The following CD46 variants were observed in gnomAD, a reference collection of about 807,000 sequenced individuals.
CD46 encodes the protein CD46 molecule, also known as membrane cofactor protein.
CD46 carries 30 observed loss-of-function variants against 53.3 expected under a neutral mutation model. The observed-to-expected ratio is 0.56, with a 90% CI of 0.42 to 0.76. The LOEUF is 0.76. Ranked by LOEUF, CD46 falls within the 30% of genes least tolerant of loss-of-function variation. CD46 has a pLI of 0.00. For synonymous variants in CD46, 142 were observed against 152.0 expected (o/e 0.93, Z 0.48); for missense variants, 409 against 463.0 (o/e 0.88, Z 1.07).
chr1:207,769,324 G>GTA (rs1657209538), intron 7 of CD46: 1 of 152,212 alleles, frequency 6.6e-6, no homozygotes, highest in Admixed American at 6.5e-5. Flanking sequence ...GTTGAGTGCT[G>GTA]TAGGGTTTGA....
Position 207,752,423 on chromosome 1 carries a change from C to T in CD46, c.97+114C>T, listed in dbSNP as rs1655023254. 6 of 982,668 alleles carry T rather than the reference C, an allele frequency of 6.1e-6. No individual in the cohort carries two copies. In the South Asian group the frequency reaches 7.6e-5, roughly 13 times the overall value. 60.9% of individuals were successfully genotyped at this position (982,668 alleles called of 1,614,324 possible). A position where few individuals can be genotyped will look rare whatever the true frequency, so the allele number is the denominator to read the frequency against. ...GCCGTGCCTGTTTGGGGACAGGGTTCTCTGAGGGGTGCAGTGCTCAGATCC... is the reference window on the plus strand; with the variant it reads ...GCCGTGCCTGTTTGGGGACAGGGTTTTCTGAGGGGTGCAGTGCTCAGATCC... On this transcript the variant is annotated intron_variant, in intron 1 of 12. Coordinates refer to ENST00000367042, the MANE Select transcript of CD46 (RefSeq NM_172351.3). The surrounding 1 kb of genome is among the most constrained non-coding windows in gnomAD (Gnocchi z 4.1).
At chr1:207,783,450 G>T in intron 9 of CD46, 120 bp downstream of exon 9, 1 of 708,258 alleles carries the variant, frequency 1.4e-6, no homozygotes, top group African/African-American at 1.7e-5. Context: ...TTTCTTAAAT[G>T]CTGTGTTTGT....
At chr1:207,768,059 T>C (rs1290960503) in intron 7 of CD46, 3 of 480,696 alleles carry the variant, frequency 6.2e-6, no homozygotes, top group African/African-American at 5.8e-5. Context: ...TGTGTTTATA[T>C]ATATATGTTT....
chr1:207,759,539 A>G (rs1571587792), intron 3 of CD46, 100 bp from the exon 4 acceptor site: 1 of 697,830 alleles, frequency 1.4e-6, no homozygotes. Flanking sequence ...CCCTCAAACT[A>G]CTGTAGTGTA....
At chr1:207,790,154 ACT>A (rs1260505846) in intron 11 of CD46, 97 bp from the exon 12 acceptor site, 1 of 762,718 alleles carries the variant, frequency 1.3e-6, no homozygotes, top group Non-Finnish European at 2.4e-6. Context: ...CTTTCCTGCT[ACT>A]CTCTTACACT....
At position 207,790,267 on chromosome 1, in the gene CD46, A is replaced by G; in HGVS notation, c.1097A>G (p.Asp366Gly). 6.3e-7 allele frequency: 1 copy of G among 1,585,610 alleles called. No homozygotes were observed. Among genetic ancestry groups the G allele is most frequent in the East Asian group, 2.2e-5 (1 of 44,668 alleles). Residue 366 changes from aspartate (D) to glycine (G), a missense_variant, in exon 12 of 13, where the codon GAT becomes GGT. Transcript: ENST00000367042. Reference protein sequence around the residue: ...RRKKKGTYLTDETHREVKFTS... With the variant: ...RRKKKGTYLTGETHREVKFTS... ...CCTCTGTTCAGCACATACCTAACTG[A>G]TGAGACCCACAGAGAAGTAAAATTT...
At chr1:207,772,678 T>C (rs757998943) in intron 8 of CD46, among the ~76,000 whole-genome samples, 1 of 152,206 alleles carries the variant, frequency 6.6e-6, no homozygotes. Flanking sequence ...TTGTTGTTAG[T>C]TCTGTTTTTG....
At chr1:207,769,062 A>G (rs561938965) in intron 7 of CD46, 134 of 152,368 alleles carry the variant, frequency 8.8e-4, no homozygotes, top group African/African-American at 3.1e-3. Context: ...GTTCAAGACC[A>G]GCCTGGCTAA....
chr1:207,784,552 AATGACCTGG>A (rs1209373273), intron 9 of CD46, among the ~76,000 whole-genome samples: 2 of 152,214 alleles, frequency 1.3e-5, no homozygotes, highest in African/African-American at 4.8e-5. Context: ...CTATGATCAA[AATGACCTGG>A]ATGCCCTAGC....
chr1:207,779,955 T>C (rs12078277), intron 8 of CD46, among the ~76,000 whole-genome samples: 1 of 139,442 alleles, frequency 7.2e-6, no homozygotes, highest in Non-Finnish European at 1.5e-5. Context: ...TATGTTTTAA[T>C]AACTGCCGGG....
In CD46 at chr1:207,755,156, C is replaced by CA. The variant is rs370595102; in HGVS notation, c.98-1851dup. On this transcript the variant is annotated intron_variant, in intron 1 of 12. Coordinates refer to ENST00000367042, the MANE Select transcript of CD46 (RefSeq NM_172351.3). ...ACACACACATACACACACAAACAAACAAAAAAAGAAACAAAATAGGAAGCT... is the reference window on the plus strand; with the variant it reads ...ACACACACATACACACACAAACAAACAAAAAAAAGAAACAAAATAGGAAGCT... 3.4e-3 allele frequency among the ~76,000 whole-genome samples: 514 copies of CA among 150,838 alleles called. 3 individuals carry two copies. Among genetic ancestry groups the CA allele is most frequent in the African/African-American group, 0.012 (488 of 41,076 alleles).
chr1:207,782,539 A>G lies in CD46; in HGVS notation c.944-753A>G, dbSNP rs41317969. On this transcript the variant is annotated intron_variant, in intron 8 of 12. Coordinates refer to ENST00000367042, the MANE Select transcript of CD46 (RefSeq NM_172351.3). Reference sequence around the variant, plus strand: ...AGCCTTCATTCATTTAACATTGAGTATGATGTTAGCTGTGGGTTTTTAATA... The same window carrying G: ...AGCCTTCATTCATTTAACATTGAGTGTGATGTTAGCTGTGGGTTTTTAATA... Among the ~76,000 whole-genome samples the G allele has an allele frequency of 2.0e-3, 304 of 150,048 alleles. 4 individuals are homozygous for G. Among genetic ancestry groups the G allele is most frequent in the South Asian group, 0.017 (79 of 4,706 alleles).
At chr1:207,765,198 CAT>C (rs1355916380) in intron 5 of CD46, among the ~76,000 whole-genome samples, 5 of 152,058 alleles carry the variant, frequency 3.3e-5, no homozygotes, top group Non-Finnish European at 5.9e-5. Context: ...GAAAAAAAAT[CAT>C]GTGGTTATCT....
intron 8 of CD46, among the ~76,000 whole-genome samples, chr1:207,780,637 C>G (rs1343192155): frequency 6.6e-6 from 1 of 152,062 alleles, no homozygotes; most frequent in Admixed American, 6.6e-5. Flanking sequence ...ATACTGTATT[C>G]CACAGTGGCT....
intron 9 of CD46, among the ~76,000 whole-genome samples, chr1:207,784,136 C>G (rs1003539560): frequency 6.6e-6 from 1 of 152,104 alleles, no homozygotes. Flanking sequence ...GTATTTAGGA[C>G]TATGTCTTAA....
chr1:207,787,246 AC>A (rs748218336), intron 11 of CD46, among the ~76,000 whole-genome samples: 13 of 151,976 alleles, frequency 8.6e-5, no homozygotes, highest in Non-Finnish European at 1.6e-4. Flanking sequence ...AATTTGTTGT[AC>A]CTGTACTAGA....
At chr1:207,782,762 C>T (rs1456175766) in intron 8 of CD46, among the ~76,000 whole-genome samples, 1 of 148,586 alleles carries the variant, frequency 6.7e-6, no homozygotes, top group Non-Finnish European at 1.5e-5. Flanking sequence ...ATTCTCCTGC[C>T]TCAGCCTCCC....
chr1:207,773,660 G>A lies in CD46; in HGVS notation c.943+3298G>A, dbSNP rs367997794. Reference sequence around the variant, plus strand: ...TCTTCATTTCATTATTTACCCAGTAGTCATTCAAGAGCAGGTTGTTCAGTT... The same window carrying A: ...TCTTCATTTCATTATTTACCCAGTAATCATTCAAGAGCAGGTTGTTCAGTT... On this transcript the variant is annotated intron_variant, in intron 8 of 12. Transcript: ENST00000367042. Among the ~76,000 whole-genome samples, 22 of 152,286 alleles carry A rather than the reference G, an allele frequency of 1.4e-4. 1 individual carries two copies. The highest frequency in any genetic ancestry group is 4.8e-4 in the African/African-American group (20 of 41,552).
chr1:207,783,530 T>C (rs2102681250), intron 9 of CD46, 200 bp downstream of exon 9: 1 of 457,194 alleles, frequency 2.2e-6, no homozygotes, highest in East Asian at 3.6e-5. Context: ...TGGTAATCTG[T>C]CGATAAATTT....
Sources: allele counts gnomAD v4.1 joint callset (sites outside exome capture counted in the v4.1 genomes callset), GRCh38; gene constraint gnomAD v4.1.1; non-coding constraint Gnocchi (gnomAD v3.1); transcripts MANE v1.5; gene names NCBI Gene and HGNC (gene_info 2026-07-23, HGNC 2026-07-21).